The following SRRM2 variants were observed in gnomAD, a reference collection of about 807,000 sequenced individuals.
The protein encoded by SRRM2 is serine/arginine repetitive matrix 2.
In SRRM2, 30 loss-of-function variants were observed where a neutral mutation model predicts 213.8. The observed-to-expected ratio is 0.14, with a 90% CI of 0.10 to 0.19. The LOEUF (loss-of-function observed/expected upper bound fraction) is 0.19. Among genes scored for constraint, SRRM2 ranks in the 10% least tolerant of loss-of-function variants. SRRM2 has a pLI of 1.00. For missense variants in SRRM2, 4,904 were observed against 3,647.0 expected (o/e 1.34, Z -8.88); for synonymous variants, 2,025 against 1,377.7 (o/e 1.47, Z -10.40).
chr16:2,753,908 T>A (rs935791723), intron 1 of SRRM2, among the ~76,000 whole-genome samples: 3 of 151,900 alleles, frequency 2.0e-5, no homozygotes, highest in Non-Finnish European at 4.4e-5. Flanking sequence ...CCCCTTTTTC[T>A]CCCCTTTTGG....
At chr16:2,755,608 A>G (rs1026454685) in intron 1 of SRRM2, among the ~76,000 whole-genome samples, 1 of 152,228 alleles carries the variant, frequency 6.6e-6, no homozygotes, top group African/African-American at 2.4e-5. Context: ...GATAGTTGAT[A>G]GGATCTTTAA....
intron 12 of SRRM2, chr16:2,769,588 T>A: frequency 1.6e-6 from 1 of 635,092 alleles, no homozygotes; most frequent in East Asian, 3.2e-5. Flanking sequence ...GCCAGGGCTC[T>A]GGTCTGGCCA....
rs1466211627 is a variant in SRRM2 at position 2,765,568 on chromosome 16, C to A, written c.5040C>A (p.Thr1680=). 1 of 1,614,182 alleles carries A rather than the reference C, an allele frequency of 6.2e-7. No individual in the cohort carries two copies. Among genetic ancestry groups the A allele is most frequent in the Non-Finnish European group, 8.5e-7 (1 of 1,180,028 alleles). ...RGSRSSPEPK[T]KSRTPPRRRS... ...CCAGGTCATCACCAGAGCCCAAGAC[C>A]AAGTCTCGTACACCACCTCGACGTC... Residue 1680 remains threonine, a synonymous_variant, in exon 11 of 15, where the codon ACC becomes ACA. Coordinates refer to ENST00000301740, the MANE Select transcript of SRRM2 (RefSeq NM_016333.4).
chr16:2,763,123 A>C lies in SRRM2; in HGVS notation c.2595A>C (p.Val865=). ...ITSPQANEQS[V]TPQRRSCFES... is the part of the protein sequence containing the mutation. The stretch of plus-strand genomic sequence containing the variant: ...GTCCCCAGGCCAATGAGCAATCTGT[A>C]ACGCCACAGAGACGGAGCTGTTTTG... Residue 865 remains valine (V), a synonymous_variant, in exon 11 of 15, where the codon GTA becomes GTC. Transcript: ENST00000301740. 6.2e-7 allele frequency: 1 copy of C among 1,614,162 alleles called. No individual in the cohort carries two copies. Among genetic ancestry groups the C allele is most frequent in the Non-Finnish European group, 8.5e-7 (1 of 1,180,024 alleles).
intron 4 of SRRM2, 76 bp downstream of exon 4, chr16:2,758,021 G>T (rs1046798328): frequency 6.6e-7 from 1 of 1,512,052 alleles, no homozygotes; most frequent in Non-Finnish European, 8.9e-7. Context: ...GTCTTTTTGC[G>T]GGCTGGTTTC....
At chr16:2,756,220 G>A in intron 1 of SRRM2, 114 bp from the exon 2 acceptor site, 3 of 1,012,626 alleles carry the variant, frequency 3.0e-6, no homozygotes, top group Non-Finnish European at 1.4e-6. Context: ...CGAAGACTTA[G>A]TGTGAAGATC....
intron 1 of SRRM2, 143 bp from the exon 2 acceptor site, chr16:2,756,191 A>G (rs1010034514): frequency 7.3e-6 from 6 of 821,878 alleles, no homozygotes; most frequent in Non-Finnish European, 1.1e-5. Context: ...GACCAGGAGG[A>G]TGGTGGAGCA....
chr16:2,759,675 C>T lies in SRRM2; in HGVS notation c.833+14C>T, dbSNP rs2150773659. On this transcript the variant is annotated intron_variant, in intron 9 of 14. Transcript: ENST00000301740. ...TTCCCGCAGTCGGTAAGGGGTAGTC[C>T]AGGAGGAAGGGAGGGAGAGGGAATG... The T allele has an allele frequency of 2.5e-6, 4 of 1,608,854 alleles. No individual in the cohort carries two copies. In the East Asian group the frequency reaches 6.7e-5, roughly 27 times the overall value.
At chr16:2,760,206 G>C (rs999073339) in intron 9 of SRRM2, 95 bp from the exon 10 acceptor site, 22 of 1,271,340 alleles carry the variant, frequency 1.7e-5, no homozygotes, top group Middle Eastern at 2.3e-4. Flanking sequence ...GGGTTGTCCA[G>C]TTAGGAAAGG....
At position 2,769,207 on chromosome 16, in the gene SRRM2, C is replaced by T. The variant is rs745897724; in HGVS notation, c.7944C>T (p.Ser2648=). The change falls in exon 12 of 15, where the codon TCC becomes TCT. Residue 2648 remains serine, a synonymous_variant. Coordinates refer to ENST00000301740, the MANE Select transcript of SRRM2 (RefSeq NM_016333.4). The part of the protein sequence containing the change: ...SSSSSSSSSS[S]PSPAKPGPQA... Reference sequence around the variant, plus strand: ...CTTCCTCCTCCTCGTCGTCTTCCTCCCCTTCCCCTGCTAAGCCTGGCCCTC... The same window carrying T: ...CTTCCTCCTCCTCGTCGTCTTCCTCTCCTTCCCCTGCTAAGCCTGGCCCTC... 5 of 1,605,032 alleles carry T rather than the reference C, an allele frequency of 3.1e-6. No individual in the cohort carries two copies. Among genetic ancestry groups the T allele is most frequent in the Non-Finnish European group, 4.3e-6 (5 of 1,175,952 alleles).
Position 2,766,766 on chromosome 16 carries a change from G to A in SRRM2, c.6238G>A (p.Ala2080Thr). The A allele has an allele frequency of 2.5e-6, 4 of 1,614,166 alleles. No individual in the cohort carries two copies. Among genetic ancestry groups the A allele is most frequent in the Non-Finnish European group, 8.5e-7 (1 of 1,180,048 alleles). ...TCCTCCAGCCATCCGCAGGCGTTCTGCATCTGGAAGTAGTTCTGATCGTTC... is the reference window on the plus strand; with the variant it reads ...TCCTCCAGCCATCCGCAGGCGTTCTACATCTGGAAGTAGTTCTGATCGTTC... ...RSPPAIRRRS[A>T]SGSSSDRSRS... The change falls in exon 11 of 15, where the codon GCA becomes ACA. Residue 2080 changes from alanine (A) to threonine (T), a missense_variant. Ala to Thr is a moderately conservative substitution (Grantham distance 58). Coordinates refer to ENST00000301740, the MANE Select transcript of SRRM2 (RefSeq NM_016333.4). This position sits in a 1 kb window ranked among gnomAD's most constrained non-coding sequence, Gnocchi z 7.0.
rs1368566386 is a variant in SRRM2 at position 2,760,354 on chromosome 16, C to G, written c.887C>G (p.Pro296Arg). 6.2e-7 allele frequency: 1 copy of G among 1,614,068 alleles called. No individual in the cohort carries two copies. The highest frequency in any genetic ancestry group is 2.2e-5 in the East Asian group (1 of 44,882). Reference protein sequence around the residue: ...THTTALAGRSPSPASGRRGEG... With the variant: ...THTTALAGRSRSPASGRRGEG... ...ACAACTGCCTTGGCTGGGCGAAGTC[C>G]TTCCCCTGCTTCAGGGCGACGCGGG... The change falls in exon 10 of 15, where the codon CCT (proline) becomes CGT (arginine). Residue 296 changes from proline to arginine, a missense_variant. Physicochemically the swap from Pro to Arg is moderately radical, Grantham distance 103 (BLOSUM62 -2). Coordinates refer to ENST00000301740, the MANE Select transcript of SRRM2 (RefSeq NM_016333.4).
Position 2,759,183 on chromosome 16 carries a change from T to C in SRRM2, c.689+11T>C. The stretch of plus-strand genomic sequence containing the variant: ...GAAACGTAAGCATAGGTAAGAGCTC[T>C]TTAACTCATAGGGGGCGCAGTGGCA... On this transcript the variant is annotated intron_variant, in intron 7 of 14. Transcript: ENST00000301740. 9 of 1,614,054 alleles carry C rather than the reference T, an allele frequency of 5.6e-6. No individual in the cohort carries two copies. The highest frequency in any genetic ancestry group is 6.8e-6 in the Non-Finnish European group (8 of 1,180,004).
At position 2,759,609 on chromosome 16, in the gene SRRM2, C is replaced by A; in HGVS notation, c.781C>A (p.His261Asn). The A allele has an allele frequency of 6.2e-7, 1 of 1,614,100 alleles. No homozygotes were observed. The highest frequency in any genetic ancestry group is 8.5e-7 in the Non-Finnish European group (1 of 1,179,986). The change falls in exon 9 of 15, where the codon CAC (histidine) becomes AAC (asparagine). Residue 261 changes from histidine to asparagine, a missense_variant. His to Asn is a moderately conservative substitution (Grantham distance 68, BLOSUM62 1). Transcript: ENST00000301740. ...TTPAPKSRRAHRSTSADSASS... is the reference protein window; with the variant it reads ...TTPAPKSRRANRSTSADSASS... ...ACCAGCCCCCAAGAGCCGCCGGGCC[C>A]ACCGTTCAACTTCTGCTGACTCTGC...
At position 2,763,368 on chromosome 16, in the gene SRRM2, C is replaced by T. The variant is rs1362937769; in HGVS notation, c.2840C>T (p.Pro947Leu). The change falls in exon 11 of 15, where the codon CCA (proline) becomes CTA (leucine). Residue 947 changes from proline (P) to leucine (L), a missense_variant. Transcript: ENST00000301740. The stretch of plus-strand genomic sequence containing the variant: ...AGTAGGGTGACGTCGAGAACAACTC[C>T]ACGGCGAAGCAGATCAGTATCTCCC... ...SPSRVTSRTT[P>L]RRSRSVSPCS... 2 of 1,614,052 alleles carry T rather than the reference C, an allele frequency of 1.2e-6. No homozygotes were observed. Among genetic ancestry groups the T allele is most frequent in the Non-Finnish European group, 1.7e-6 (2 of 1,180,038 alleles).
In SRRM2 at chr16:2,762,782, T is replaced by C. The variant is rs1567230197; in HGVS notation, c.2254T>C (p.Ser752Pro). The C allele has an allele frequency of 2.5e-6, 4 of 1,613,906 alleles. No individual in the cohort carries two copies. The East Asian group carries it at 6.7e-5, about 27-fold the overall frequency. Residue 752 changes from serine to proline, a missense_variant, in exon 11 of 15, where the codon TCT (serine) becomes CCT (proline). Ser to Pro is a moderately conservative substitution (Grantham distance 74). Coordinates refer to ENST00000301740, the MANE Select transcript of SRRM2 (RefSeq NM_016333.4). ...RSNSSPEMKKSRISSRRSRSL... is the reference protein window; with the variant it reads ...RSNSSPEMKKPRISSRRSRSL... ...CAATTCAAGCCCAGAAATGAAGAAA[T>C]CTCGCATTTCTTCAAGGCGGAGCAG...
rs1260469221 is a variant in SRRM2, at chr16:2,764,595, A to G, written c.4067A>G (p.Asn1356Ser). ...GFSSEVKEDL[N>S]GPFLNQLETD... ...TCTTCTGAGGTTAAAGAAGATTTGAATGGACCGTTTCTTAATCAGCTGGAA... is the reference window on the plus strand; with the variant it reads ...TCTTCTGAGGTTAAAGAAGATTTGAGTGGACCGTTTCTTAATCAGCTGGAA... Residue 1356 changes from asparagine to serine, a missense_variant, in exon 11 of 15, where the codon AAT (asparagine) becomes AGT (serine). By Grantham distance (46) the Asn-to-Ser change is conservative. Transcript: ENST00000301740. 1.2e-6 allele frequency: 2 copies of G among 1,614,216 alleles called. No homozygotes were observed. The highest frequency in any genetic ancestry group is 1.7e-5 in the Admixed American group (1 of 60,020).
chr16:2,769,893 C>T (rs1377895705), intron 12 of SRRM2: 2 of 459,120 alleles, frequency 4.4e-6, no homozygotes, highest in Non-Finnish European at 8.7e-6. Flanking sequence ...CTAAGGAGAG[C>T]CCATGCCTTT....
rs755282331 is a variant in SRRM2 at position 2,767,974 on chromosome 16, G to A, written c.7446G>A (p.Thr2482=). 8.7e-6 allele frequency: 14 copies of A among 1,613,982 alleles called. No homozygotes were observed. The highest frequency in any genetic ancestry group is 2.2e-5 in the South Asian group (2 of 91,060). The change falls in exon 11 of 15, where the codon ACG becomes ACA. Residue 2482 remains threonine (T), a synonymous_variant. Coordinates refer to ENST00000301740, the MANE Select transcript of SRRM2 (RefSeq NM_016333.4). The part of the protein sequence containing the change: ...SQSLSSGAVA[T]TTSSAGDHNG... ...CCCTTTCCTCTGGGGCAGTGGCAAC[G>A]ACCACGTCCTCTGCTGGTGATCACA... is the stretch of plus-strand genomic sequence containing the variant.
Sources: allele counts gnomAD v4.1 joint callset (sites outside exome capture counted in the v4.1 genomes callset), GRCh38; gene constraint gnomAD v4.1.1; non-coding constraint Gnocchi (gnomAD v3.1); transcripts MANE v1.5; gene names NCBI Gene and HGNC (gene_info 2026-07-23, HGNC 2026-07-21).